The following ANGPT1 variants were observed in gnomAD, a reference collection of about 807,000 sequenced individuals.
ANGPT1 encodes angiopoietin 1.
In ANGPT1, 17 loss-of-function variants were observed where a neutral mutation model predicts 62.2. The observed-to-expected ratio is 0.27, with a 90% confidence interval of 0.19 to 0.41. The LOEUF (loss-of-function observed/expected upper bound fraction) is 0.41, where lower values mean the gene tolerates loss of function less well. ANGPT1 is among the 10% of genes least tolerant of loss of function. ANGPT1 has a pLI of 1.00. For synonymous variants in ANGPT1, 199 were observed against 198.9 expected, an observed-to-expected ratio of 1.00 and a Z score of 0.00; for missense variants, 478 against 594.9, an observed-to-expected ratio of 0.80 and a Z score of 2.04.
At chr8:107,378,764 T>A (rs953740195) in intron 1 of ANGPT1, among the ~76,000 whole-genome samples, 2 of 152,098 alleles carry the variant, frequency 1.3e-5, no homozygotes, top group African/African-American at 4.8e-5. Context: ...GTGAAGAAGG[T>A]GCATTGGCTT....
intron 5 of ANGPT1, among the ~76,000 whole-genome samples, chr8:107,299,670 G>T: frequency 7.6e-6 from 1 of 132,412 alleles, no homozygotes. Context: ...TAGACATATA[G>T]TTATATAGTA....
chr8:107,319,354 A>G (rs1815098044), intron 4 of ANGPT1, among the ~76,000 whole-genome samples: 1 of 151,884 alleles, frequency 6.6e-6, no homozygotes, highest in South Asian at 2.1e-4. Flanking sequence ...GATTGAAACC[A>G]GAAGACCTTT....
chr8:107,302,228 A>G (rs1814608114), intron 5 of ANGPT1, among the ~76,000 whole-genome samples: 1 of 151,950 alleles, frequency 6.6e-6, no homozygotes, highest in South Asian at 2.1e-4. Flanking sequence ...AGAAGATTCC[A>G]AGAGCATTGC....
intron 7 of ANGPT1, among the ~76,000 whole-genome samples, chr8:107,273,175 C>A (rs1813779552): frequency 6.6e-6 from 1 of 152,062 alleles, no homozygotes; most frequent in Admixed American, 6.6e-5. Context: ...TAAACAAATT[C>A]TCGGGAGGTA....
chr8:107,380,089 G>T (rs1156915337), intron 1 of ANGPT1, among the ~76,000 whole-genome samples: 1 of 151,840 alleles, frequency 6.6e-6, no homozygotes, highest in Admixed American at 6.6e-5. Context: ...CCCCGGGATA[G>T]CCTGGTCTGG....
intron 8 of ANGPT1, among the ~76,000 whole-genome samples, chr8:107,254,119 C>CG (rs1451328000): frequency 6.6e-6 from 1 of 152,034 alleles, no homozygotes; most frequent in African/African-American, 2.4e-5. Flanking sequence ...AAATGACCGG[C>CG]GGGTCACTGC....
intron 1 of ANGPT1, among the ~76,000 whole-genome samples, chr8:107,369,718 G>A (rs1240866491): frequency 8.6e-5 from 13 of 151,788 alleles, no homozygotes; most frequent in Non-Finnish European, 5.9e-5. Flanking sequence ...CCCATTGAGA[G>A]GGAGAGAGAT....
chr8:107,282,586 ATATATATATG>A (rs1187709660), intron 7 of ANGPT1, among the ~76,000 whole-genome samples: 1 of 130,460 alleles, frequency 7.7e-6, no homozygotes, highest in Non-Finnish European at 1.6e-5. Flanking sequence ...ATATATATAT[ATATATATATG>A]AGCCTCAGCT....
chr8:107,384,185 C>T (rs1419724262), intron 1 of ANGPT1, among the ~76,000 whole-genome samples: 2 of 152,068 alleles, frequency 1.3e-5, no homozygotes, highest in African/African-American at 4.8e-5. Context: ...GTGGTTCTCA[C>T]TTACCTCTCA....
intron 7 of ANGPT1, among the ~76,000 whole-genome samples, chr8:107,278,362 G>A (rs1813914565): frequency 6.6e-6 from 1 of 152,154 alleles, no homozygotes; most frequent in East Asian, 1.9e-4. Flanking sequence ...GGAATTACAG[G>A]TGTGAACCAC....
intron 1 of ANGPT1, among the ~76,000 whole-genome samples, chr8:107,435,881 A>G (rs1005262860): frequency 2.0e-5 from 3 of 152,162 alleles, no homozygotes; most frequent in African/African-American, 2.4e-5. Flanking sequence ...TATGAGGTAT[A>G]TAATACAATA....
chr8:107,333,448 T>C (rs1320799868), intron 3 of ANGPT1, among the ~76,000 whole-genome samples: 2 of 152,164 alleles, frequency 1.3e-5, no homozygotes, highest in African/African-American at 4.8e-5. Flanking sequence ...GAATTTCCAA[T>C]TAAAACCCAA....
chr8:107,426,802 T>C (rs1811053073), intron 1 of ANGPT1, among the ~76,000 whole-genome samples: 1 of 152,168 alleles, frequency 6.6e-6, no homozygotes, highest in South Asian at 2.1e-4. Flanking sequence ...AAATGATGTT[T>C]TACAGCAAGA....
rs78677570 is a variant in ANGPT1, at chr8:107,409,749, A to G, written c.298-62652T>C. ...TTTTTTGAAGACTTTTCTGAAGTCC[A>G]TTATCTTTAGCACTTTATTTCTTTC... On this transcript the variant is annotated intron_variant, in intron 1 of 8. Transcript: ENST00000517746. Among the ~76,000 whole-genome samples the G allele has an allele frequency of 4.6e-5, 7 of 151,240 alleles. No homozygotes were observed. The East Asian group carries it at 9.7e-4, about 21-fold the overall frequency.
chr8:107,402,523 A>G (rs1817066878), intron 1 of ANGPT1, among the ~76,000 whole-genome samples: 1 of 152,228 alleles, frequency 6.6e-6, no homozygotes, highest in African/African-American at 2.4e-5. Context: ...ACCTGCTCCC[A>G]TGCTAGCACT....
intron 3 of ANGPT1, 21 bp downstream of exon 3, chr8:107,336,129 T>A: frequency 6.3e-7 from 1 of 1,583,548 alleles, no homozygotes. Context: ...AGAAACATTT[T>A]TGGAATAAAG....
At chr8:107,319,500 T>A (rs951904920) in intron 4 of ANGPT1, among the ~76,000 whole-genome samples, 1 of 151,956 alleles carries the variant, frequency 6.6e-6, no homozygotes, top group African/African-American at 2.4e-5. Context: ...TATGCTTATT[T>A]TGAAATATTT....
At chr8:107,400,037 C>T (rs1817014382) in intron 1 of ANGPT1, among the ~76,000 whole-genome samples, 1 of 152,228 alleles carries the variant, frequency 6.6e-6, no homozygotes, top group African/African-American at 2.4e-5. Context: ...GAGAGTGGGA[C>T]TTTTTCTTAA....
At chr8:107,489,603 C>T (rs934655056) in intron 1 of ANGPT1, among the ~76,000 whole-genome samples, 1 of 152,164 alleles carries the variant, frequency 6.6e-6, no homozygotes, top group Non-Finnish European at 1.5e-5. Flanking sequence ...AGCTCTCTCA[C>T]TTCTAATTAT....
Sources: allele counts gnomAD v4.1 joint callset (sites outside exome capture counted in the v4.1 genomes callset), GRCh38; gene constraint gnomAD v4.1.1; transcripts MANE v1.5; gene names NCBI Gene and HGNC (gene_info 2026-07-23, HGNC 2026-07-21).